The following RSBN1 variants were observed in gnomAD, a reference collection of about 807,000 sequenced individuals.
The protein encoded by RSBN1 is lysine-specific demethylase 9.
In RSBN1, 23 loss-of-function variants were observed where a neutral mutation model predicts 74.8. The ratio of observed to expected loss-of-function variants is 0.31; its 90% confidence interval spans 0.22 to 0.44. The LOEUF (loss-of-function observed/expected upper bound fraction) is 0.44, where lower values mean the gene tolerates loss of function less well. Among genes scored for constraint, RSBN1 ranks in the 20% least tolerant of loss-of-function variants. The pLI is 1.00. For synonymous variants in RSBN1, 407 were observed against 379.6 expected (o/e 1.07, Z -0.84); for missense variants, 808 against 1,020.9 (o/e 0.79, Z 2.84).
chr1:113,793,224 C>G (rs931113065), intron 2 of RSBN1, among the ~76,000 whole-genome samples: 3 of 152,138 alleles, frequency 2.0e-5, no homozygotes, highest in Admixed American at 2.0e-4. Flanking sequence ...TAGCAAGCTC[C>G]CTGGTGGTGC....
chr1:113,777,230 C>T lies in RSBN1; in HGVS notation c.1638G>A (p.Lys546=). The stretch of plus-strand genomic sequence containing the variant: ...TTTACCGTCGTCTTTTGAAGGGTGA[C>T]TTTGGCATATCTGCTGTAGGGATCA... ...EQMIPTADMP[K]SPFKRRRSMN... is the part of the protein sequence containing the mutation. Residue 546 remains lysine (K), a synonymous_variant, in exon 4 of 7, where the codon AAG becomes AAA. Coordinates refer to ENST00000261441, the MANE Select transcript of RSBN1 (RefSeq NM_018364.5). The T allele has an allele frequency of 6.2e-7, 1 of 1,609,328 alleles. No homozygotes were observed. Among genetic ancestry groups the T allele is most frequent in the South Asian group, 1.1e-5 (1 of 89,966 alleles).
chr1:113,771,298 G>T (rs1387435399), intron 4 of RSBN1, among the ~76,000 whole-genome samples: 2 of 151,994 alleles, frequency 1.3e-5, no homozygotes, highest in Non-Finnish European at 2.9e-5. Flanking sequence ...AACAGAAAAA[G>T]AAATTTTCAG....
chr1:113,794,772 A>G (rs1660438298), intron 2 of RSBN1, among the ~76,000 whole-genome samples: 1 of 152,146 alleles, frequency 6.6e-6, no homozygotes, highest in Admixed American at 6.5e-5. Flanking sequence ...ACTCTGTATT[A>G]TAATTGCTGG....
intron 4 of RSBN1, among the ~76,000 whole-genome samples, chr1:113,768,659 C>G (rs1279423556): frequency 6.6e-6 from 1 of 152,074 alleles, no homozygotes; most frequent in African/African-American, 2.4e-5. Context: ...GTTCTAGCAA[C>G]AGAAAATAAA....
rs1659714561 is a variant in RSBN1, at chr1:113,763,250, G to A, written c.*2730C>T. On this transcript the variant is annotated 3_prime_UTR_variant, in exon 7 of 7. Transcript: ENST00000261441. ...TTCATTTATTGGGTCCTTTCCATAAGCACATTTAAAAACCATCCCTCTGCT... is the reference window on the plus strand; with the variant it reads ...TTCATTTATTGGGTCCTTTCCATAAACACATTTAAAAACCATCCCTCTGCT... 6.5e-6 allele frequency: 1 copy of A among 152,710 alleles called. No individual in the cohort carries two copies. The highest frequency in any genetic ancestry group is 6.5e-5 in the Admixed American group (1 of 15,280). The allele number at this position is 152,710 out of a possible 1,614,324, so 9.5% of individuals were successfully genotyped here.
Position 113,763,489 on chromosome 1 carries a change from C to T in RSBN1, c.*2491G>A, listed in dbSNP as rs1659722850. 6.5e-6 allele frequency: 1 copy of T among 152,714 alleles called. No individual in the cohort carries two copies. 9.5% of individuals were successfully genotyped at this position (152,714 alleles called of 1,614,324 possible). A position where few individuals can be genotyped will look rare whatever the true frequency, so the allele number is the denominator to read the frequency against. The stretch of plus-strand genomic sequence containing the variant: ...TTAGAAAAATTGCAATCATTTGTAT[C>T]ACTAAACTAGGATACAGCTTTGAAA... On this transcript the variant is annotated 3_prime_UTR_variant, in exon 7 of 7. Transcript: ENST00000261441.
intron 2 of RSBN1, among the ~76,000 whole-genome samples, chr1:113,793,672 G>A (rs572478396): frequency 7.0e-6 from 1 of 142,436 alleles, no homozygotes; most frequent in African/African-American, 2.5e-5. Context: ...CAATTCCTAA[G>A]AGTTCTTTTT....
At chr1:113,784,913 T>G (rs901320373) in intron 2 of RSBN1, among the ~76,000 whole-genome samples, 6 of 152,322 alleles carry the variant, frequency 3.9e-5, no homozygotes, top group Non-Finnish European at 7.4e-5. Flanking sequence ...ACTGTAGACT[T>G]TATAAACAGT....
At chr1:113,799,482 T>C (rs776526077) in intron 1 of RSBN1, among the ~76,000 whole-genome samples, 1 of 151,786 alleles carries the variant, frequency 6.6e-6, no homozygotes, top group Non-Finnish European at 1.5e-5. Context: ...AAGCCAGGCA[T>C]GTAAAGGTCT....
chr1:113,775,255 C>G (rs559930100), intron 4 of RSBN1, among the ~76,000 whole-genome samples: 6 of 151,896 alleles, frequency 4.0e-5, no homozygotes, highest in Non-Finnish European at 8.8e-5. Context: ...GAACTCCTGA[C>G]CTCAGGTGAT....
chr1:113,787,907 G>A (rs750748834), intron 2 of RSBN1, among the ~76,000 whole-genome samples: 13 of 152,068 alleles, frequency 8.5e-5, no homozygotes, highest in Admixed American at 1.3e-4. Flanking sequence ...AACGACTCAT[G>A]TTTCAATATG....
intron 1 of RSBN1, among the ~76,000 whole-genome samples, chr1:113,803,939 C>CA (rs55787910): frequency 0.27 from 17,289 of 63,446 alleles, 1,480 homozygotes; most frequent in East Asian, 0.35. Flanking sequence ...CCCATTTTTA[C>CA]AAAAAAAAAA....
At chr1:113,806,858 A>C (rs1393768633) in intron 1 of RSBN1, among the ~76,000 whole-genome samples, 3 of 150,934 alleles carry the variant, frequency 2.0e-5, no homozygotes, top group African/African-American at 7.3e-5. Context: ...AAAAAAAAAA[A>C]AAACATTAGC....
chr1:113,788,830 G>A (rs531033875), intron 2 of RSBN1, among the ~76,000 whole-genome samples: 46 of 152,244 alleles, frequency 3.0e-4, no homozygotes, highest in African/African-American at 1.1e-3. Context: ...TTGGCCAGGA[G>A]TTTGACATCA....
At chr1:113,769,689 G>GA (rs1659852767) in intron 4 of RSBN1, among the ~76,000 whole-genome samples, 2 of 152,150 alleles carry the variant, frequency 1.3e-5, no homozygotes, top group African/African-American at 2.4e-5. Context: ...CCTAGTACCT[G>GA]AGACTAATAA....
chr1:113,772,342 G>A (rs576718542), intron 4 of RSBN1, among the ~76,000 whole-genome samples: 1 of 151,826 alleles, frequency 6.6e-6, no homozygotes, highest in East Asian at 1.9e-4. Flanking sequence ...AACATGACAT[G>A]TATATCATAC....
At chr1:113,786,586 T>A (rs1660248520) in intron 2 of RSBN1, among the ~76,000 whole-genome samples, 1 of 152,192 alleles carries the variant, frequency 6.6e-6, no homozygotes, top group Non-Finnish European at 1.5e-5. Context: ...CTAGGAAATG[T>A]AAGACACAAG....
In RSBN1 at chr1:113,811,756, G is replaced by T; in HGVS notation, c.657C>A (p.Asn219Lys). The change falls in exon 1 of 7, where the codon AAC becomes AAA. Residue 219 changes from asparagine (N) to lysine (K), a missense_variant. Around this residue, in one of 6 missense-constraint regions of RSBN1, gnomAD observed 464 missense variants for 401.0 expected, o/e 1.16. Coordinates refer to ENST00000261441, the MANE Select transcript of RSBN1 (RefSeq NM_018364.5). Reference sequence around the variant, plus strand: ...GAGGCACCCCTCCAGTCCTCTCGCCGTTTTCCTGCTTGTCCTTGTGCTTGA... The same window carrying T: ...GAGGCACCCCTCCAGTCCTCTCGCCTTTTTCCTGCTTGTCCTTGTGCTTGA... Reference protein sequence around the residue: ...TDLKHKDKQENGERTGGVPLI... With the variant: ...TDLKHKDKQEKGERTGGVPLI... The T allele has an allele frequency of 6.2e-7, 1 of 1,612,886 alleles. No homozygotes were observed. Among genetic ancestry groups the T allele is most frequent in the East Asian group, 2.2e-5 (1 of 44,796 alleles).
intron 1 of RSBN1, 71 bp from the exon 2 acceptor site, chr1:113,798,107 G>C: frequency 3.0e-6 from 4 of 1,344,172 alleles, no homozygotes; most frequent in South Asian, 2.9e-5. Flanking sequence ...TAAGGTACTT[G>C]ATCTCATTAA....
Sources: gnomAD v4.1 joint callset for allele counts (sites outside exome capture counted in the v4.1 genomes callset) on GRCh38, gnomAD v4.1.1 for gene constraint, gnomAD v4.1.1 regional missense constraint, MANE v1.5 for transcripts, NCBI Gene and HGNC (gene_info 2026-07-23, HGNC 2026-07-21) for gene names.